Variants in ZFHX3 observed in about 807,000 individuals in gnomAD.
ZFHX3 encodes zinc finger homeobox 3, also known as zinc finger homeobox protein 3.
A neutral mutation model predicts 279.1 loss-of-function variants in ZFHX3; 42 were observed. That is an observed-to-expected ratio of 0.15 (90% CI 0.12 to 0.19). ZFHX3 has a LOEUF of 0.19. Among genes scored for constraint, ZFHX3 ranks in the 10% least tolerant of loss-of-function variants. ZFHX3 has a pLI of 1.00. For missense variants in ZFHX3, 4,981 were observed against 4,754.0 expected, an observed-to-expected ratio of 1.05 and a Z score of -1.40; for synonymous variants, 2,293 against 1,957.8, an observed-to-expected ratio of 1.17 and a Z score of -4.52.
intron 3 of ZFHX3, among the ~76,000 whole-genome samples, chr16:73,361,052 G>A (rs2016425838): frequency 6.6e-6 from 1 of 152,224 alleles, no homozygotes; most frequent in Non-Finnish European, 1.5e-5. Flanking sequence ...TGAGTTTGAG[G>A]ATCTAGGAAA....
At chr16:72,986,438 A>C (rs1292893871) in intron 1 of ZFHX3, among the ~76,000 whole-genome samples, 1 of 152,208 alleles carries the variant, frequency 6.6e-6, no homozygotes, top group East Asian at 1.9e-4. Context: ...CATGAAGCTA[A>C]CTGAACATGG....
chr16:73,237,763 G>A (rs2013000644), intron 5 of ZFHX3, among the ~76,000 whole-genome samples: 1 of 151,858 alleles, frequency 6.6e-6, no homozygotes, highest in African/African-American at 2.4e-5. Flanking sequence ...GTAGTTATGT[G>A]CACTTTGAAA....
chr16:73,744,105 C>T (rs1269307971), intron 1 of ZFHX3, among the ~76,000 whole-genome samples: 12 of 152,232 alleles, frequency 7.9e-5, no homozygotes. Context: ...GCAAATTAAT[C>T]CTTGTAAGAC....
intron 1 of ZFHX3, chr16:73,005,577 A>C (rs990681780): frequency 1.3e-5 from 2 of 152,316 alleles, no homozygotes; most frequent in Non-Finnish European, 2.9e-5. Context: ...GCAGATTACG[A>C]GAACAGGAGA....
chr16:73,752,713 A>G (rs2053772397), intron 1 of ZFHX3, among the ~76,000 whole-genome samples: 1 of 152,298 alleles, frequency 6.6e-6, no homozygotes, highest in South Asian at 2.1e-4. Context: ...AACCATGTCG[A>G]CTAGTGAGTG....
At chr16:73,748,591 C>G in intron 1 of ZFHX3, among the ~76,000 whole-genome samples, 1 of 152,174 alleles carries the variant, frequency 6.6e-6, no homozygotes, top group East Asian at 1.9e-4. Context: ...TTCCCAACGT[C>G]TCTACCTATA....
At chr16:73,334,160 G>A (rs983615771) in intron 3 of ZFHX3, among the ~76,000 whole-genome samples, 4 of 152,166 alleles carry the variant, frequency 2.6e-5, no homozygotes, top group East Asian at 3.9e-4. Flanking sequence ...GAGTCGCCAC[G>A]GCCAGAGGAG....
chr16:73,476,536 C>T (rs986188940), intron 2 of ZFHX3, among the ~76,000 whole-genome samples: 5 of 152,118 alleles, frequency 3.3e-5, no homozygotes, highest in Admixed American at 2.0e-4. Flanking sequence ...CTTGATTGCT[C>T]TAATGGAGTA....
Position 73,760,018 on chromosome 16 carries a change from TAAA to T in ZFHX3, c.-1607-79781_-1607-79779del, listed in dbSNP as rs745805659. 7.3e-3 allele frequency among the ~76,000 whole-genome samples: 1,066 copies of T among 146,474 alleles called. 13 individuals carry two copies. The highest frequency in any genetic ancestry group is 0.026 in the African/African-American group (1,029 of 40,128). On this transcript the variant is annotated intron_variant, in intron 1 of 17. Transcript: ENST00000641206. ...AATGAATCCAGGAGCTGTTTTTTTTTAAAAAAAAATTAATAAAACAGACAACTG... is the reference window on the plus strand; with the variant it reads ...AATGAATCCAGGAGCTGTTTTTTTTTAAAAAATTAATAAAACAGACAACTG...
chr16:72,957,595 C>T lies in ZFHX3; in HGVS notation c.2551G>A (p.Gly851Ser), dbSNP rs1356895082. 5.0e-6 allele frequency: 8 copies of T among 1,613,982 alleles called. No homozygotes were observed. Among genetic ancestry groups the T allele is most frequent in the Admixed American group, 1.7e-5 (1 of 59,994 alleles). The change falls in exon 2 of 10, where the codon GGC (glycine) becomes AGC (serine). Residue 851 changes from glycine (G) to serine (S), a missense_variant. Physicochemically the swap from Gly to Ser is moderately conservative, Grantham distance 56. Transcript: ENST00000268489. ...QIQHNRHLGL[G>S]SLPSPAEAEL... ...GCCTCGGCGGGTGAGGGCAGGCTGC[C>T]GAGGCCCAGGTGGCGGTTGTGTTGG... is the stretch of plus-strand genomic sequence containing the variant.
At chr16:73,696,563 T>C (rs1195880845) in intron 1 of ZFHX3, among the ~76,000 whole-genome samples, 1 of 152,240 alleles carries the variant, frequency 6.6e-6, no homozygotes, top group African/African-American at 2.4e-5. Flanking sequence ...AAGCTCTTCA[T>C]ACAATTTGGA....
At chr16:73,008,748 T>C (rs1430976579) in intron 1 of ZFHX3, among the ~76,000 whole-genome samples, 1 of 152,190 alleles carries the variant, frequency 6.6e-6, no homozygotes, top group East Asian at 1.9e-4. Flanking sequence ...TAAACTTCCA[T>C]ATTTTTTTGA....
chr16:73,316,165 A>G (rs180777185), intron 4 of ZFHX3, among the ~76,000 whole-genome samples: 63 of 152,364 alleles, frequency 4.1e-4, no homozygotes, highest in African/African-American at 1.4e-3. Flanking sequence ...GTGTTCTAGC[A>G]AAGACAGCAG....
At position 73,578,875 on chromosome 16, in the gene ZFHX3, T is replaced by A. The variant is rs556094786; in HGVS notation, c.-1547+101305A>T. ...TGTCTATGTAAACCAAAAAACAAAA[T>A]TCTAAGGCCCCCAGTCATCTGAATG... On this transcript the variant is annotated intron_variant, in intron 2 of 17. Coordinates refer to the ZFHX3 transcript ENST00000641206. Among the ~76,000 whole-genome samples, 16 of 152,250 alleles carry A rather than the reference T, an allele frequency of 1.1e-4. No homozygotes were observed. The South Asian group carries it at 3.3e-3, about 32-fold the overall frequency.
chr16:73,304,861 T>C (rs2015143599), intron 4 of ZFHX3, among the ~76,000 whole-genome samples: 1 of 152,050 alleles, frequency 6.6e-6, no homozygotes, highest in Non-Finnish European at 1.5e-5. Context: ...TGCTTTGAGG[T>C]AGCACTTCTA....
intron 1 of ZFHX3, among the ~76,000 whole-genome samples, chr16:73,764,579 C>T (rs370816473): frequency 3.3e-5 from 5 of 152,166 alleles, no homozygotes; most frequent in African/African-American, 1.2e-4. Context: ...AGGAAAACAG[C>T]CAATACAAAA....
At chr16:73,651,295 G>A (rs1054375590) in intron 2 of ZFHX3, among the ~76,000 whole-genome samples, 4 of 151,794 alleles carry the variant, frequency 2.6e-5, no homozygotes, top group Non-Finnish European at 5.9e-5. Flanking sequence ...TAGTAAGAAG[G>A]CCTAATCTAT....
chr16:73,617,027 G>A lies in ZFHX3; in HGVS notation c.-1547+63153C>T, dbSNP rs1162594998. ...GAAGCCAAGCACTCGGCCATTTTCT[G>A]TGTCAACTCTATTAATCATAAACCC... On this transcript the variant is annotated intron_variant, in intron 2 of 17. Transcript: ENST00000641206. Among the ~76,000 whole-genome samples, 3 of 152,174 alleles carry A rather than the reference G, an allele frequency of 2.0e-5. No individual in the cohort carries two copies. In the East Asian group the frequency reaches 5.8e-4, roughly 29 times the overall value.
rs200462896 is a variant in ZFHX3, at chr16:72,783,260, T to A, written c.*3904A>T. 6.6e-6 allele frequency: 1 copy of A among 152,640 alleles called. No homozygotes were observed. The highest frequency in any genetic ancestry group is 2.1e-4 in the South Asian group (1 of 4,806). The allele number at this position is 152,640 out of a possible 1,614,324, so 9.5% of individuals were successfully genotyped here. A position where few individuals can be genotyped will look rare whatever the true frequency, so the allele number is the denominator to read the frequency against. ...TTCACCTCAGGGTCACGTTCATTTA[T>A]GCTTTCTTTCCTACCCAAACTTGCC... On this transcript the variant is annotated 3_prime_UTR_variant, in exon 10 of 10. Coordinates refer to ENST00000268489, the MANE Select transcript of ZFHX3 (RefSeq NM_006885.4).
Sources: allele counts gnomAD v4.1 joint callset (sites outside exome capture counted in the v4.1 genomes callset), GRCh38; gene constraint gnomAD v4.1.1; transcripts MANE v1.5; gene names NCBI Gene and HGNC (gene_info 2026-07-23, HGNC 2026-07-21).